The following BEGAIN variants were observed in gnomAD, a reference collection of about 807,000 sequenced individuals.
BEGAIN encodes the protein brain-enriched guanylate kinase-associated protein.
In BEGAIN, 19 loss-of-function variants were observed where a neutral mutation model predicts 35.8. That is an observed-to-expected ratio of 0.53 (90% CI 0.37 to 0.78). The LOEUF is 0.78. Ranked by LOEUF, BEGAIN falls within the 30% of genes least tolerant of loss-of-function variation. The pLI is 0.00. For missense variants in BEGAIN, 795 were observed against 853.6 expected, an observed-to-expected ratio of 0.93 and a Z score of 0.85; for synonymous variants, 462 against 388.6, an observed-to-expected ratio of 1.19 and a Z score of -2.22.
intron 2 of BEGAIN, among the ~76,000 whole-genome samples, chr14:100,564,191 A>G (rs1283752200): frequency 6.6e-6 from 1 of 151,748 alleles, no homozygotes; most frequent in African/African-American, 2.4e-5. Flanking sequence ...ACTCCTTGAC[A>G]CAGGTGGTGG....
At chr14:100,557,287 G>A (rs116060084) in intron 2 of BEGAIN, among the ~76,000 whole-genome samples, 2,719 of 152,328 alleles carry the variant, frequency 0.018, 77 homozygotes, top group African/African-American at 0.057. Flanking sequence ...GGAGGCATCG[G>A]GGCAGGGAAT....
At position 100,545,254 on chromosome 14, in the gene BEGAIN, T is replaced by C; in HGVS notation, c.234-188A>G. ...AGAACATCCCATTAAAGCAAACTTT[T>C]GTAGAAGCCTTTCCTAGGCCAGGGC... is the stretch of plus-strand genomic sequence containing the variant. On this transcript the variant is annotated intron_variant, in intron 3 of 6. Coordinates refer to ENST00000554140, the MANE Select transcript of BEGAIN (RefSeq NM_001385089.1). 4.2e-6 allele frequency: 6 copies of C among 1,425,174 alleles called. No individual in the cohort carries two copies. The South Asian group carries it at 7.4e-5, about 18-fold the overall frequency. The allele number at this position is 1,425,174 out of a possible 1,614,324, so 88.3% of individuals were successfully genotyped here.
chr14:100,568,992 C>T lies in BEGAIN; in HGVS notation c.43-1053G>A. 1.0e-6 allele frequency: 1 copy of T among 969,716 alleles called. No homozygotes were observed. The highest frequency in any genetic ancestry group is 4.8e-5 in the South Asian group (1 of 20,986). The allele number at this position is 969,716 out of a possible 1,614,324, so 60.1% of individuals were successfully genotyped here. A position where few individuals can be genotyped will look rare whatever the true frequency, so the allele number is the denominator to read the frequency against. Reference sequence around the variant, plus strand: ...GCGCTCCGCTCGGGTCCGGGCCCCACGCCGCCTCCCCCACCGCCCCGCCGG... The same window carrying T: ...GCGCTCCGCTCGGGTCCGGGCCCCATGCCGCCTCCCCCACCGCCCCGCCGG... On this transcript the variant is annotated intron_variant, in intron 1 of 6. Transcript: ENST00000554140. This position sits in a 1 kb window ranked among gnomAD's most constrained non-coding sequence, Gnocchi z 7.5.
chr14:100,577,790 G>A, intron 1 of BEGAIN: 3 of 399,228 alleles, frequency 7.5e-6, no homozygotes. Context: ...TTGCCCTTGG[G>A]GTTCCGACCT....
Position 100,538,189 on chromosome 14 carries a change from C to A in BEGAIN, c.1619G>T (p.Gly540Val). ...ACACAGCTGCACCCCGAGCCTGTCC[C>A]CGTCCCCCCCCTCGCTGGGTGCATA... The part of the protein sequence containing the change: ...PGYAPSEGGD[G>V]DRLGVQLCGT... The change falls in exon 7 of 7, where the codon GGG (glycine) becomes GTG (valine). Residue 540 changes from glycine (G) to valine (V), a missense_variant. Coordinates refer to ENST00000554140, the MANE Select transcript of BEGAIN (RefSeq NM_001385089.1). 1 of 1,546,034 alleles carries A rather than the reference C, an allele frequency of 6.5e-7. No individual in the cohort carries two copies. Among genetic ancestry groups the A allele is most frequent in the East Asian group, 2.4e-5 (1 of 42,362 alleles).
At position 100,568,583 on chromosome 14, in the gene BEGAIN, G is replaced by C; in HGVS notation, c.43-644C>G. 8.3e-7 allele frequency: 1 copy of C among 1,205,588 alleles called. No individual in the cohort carries two copies. 74.7% of individuals were successfully genotyped at this position (1,205,588 alleles called of 1,614,324 possible). ...CGTGAGCGCCCGGCTCGCCGGCGGG[G>C]CTCCCTGCCTTGCTTGCGCAGACCC... On this transcript the variant is annotated intron_variant, in intron 1 of 6. Coordinates refer to ENST00000554140, the MANE Select transcript of BEGAIN (RefSeq NM_001385089.1). The surrounding 1 kb of genome is among the most constrained non-coding windows in gnomAD (Gnocchi z 7.5).
intron 2 of BEGAIN, among the ~76,000 whole-genome samples, chr14:100,552,988 T>C (rs760279455): frequency 2.6e-5 from 4 of 152,126 alleles, no homozygotes; most frequent in Non-Finnish European, 5.9e-5. Context: ...CCTGTGTGTC[T>C]CAGGATGAGA....
intron 2 of BEGAIN, among the ~76,000 whole-genome samples, chr14:100,566,258 G>A (rs1341769971): frequency 7.9e-5 from 12 of 152,220 alleles, no homozygotes; most frequent in Non-Finnish European, 7.3e-5. Context: ...GGACAGCAAC[G>A]CTGACGCCAT....
intron 2 of BEGAIN, among the ~76,000 whole-genome samples, chr14:100,559,007 G>A (rs751975792): frequency 5.9e-5 from 9 of 152,182 alleles, no homozygotes; most frequent in Non-Finnish European, 8.8e-5. Context: ...GACAAGGGGT[G>A]GGCCTGGGGT....
rs994087538 is a variant in BEGAIN at position 100,537,339 on chromosome 14, T to C, written c.*630A>G. The stretch of plus-strand genomic sequence containing the variant: ...GAGCACCGGCCGCACTGGGGCATCA[T>C]CCCGGCCCACCCGGGACGATGGGCC... On this transcript the variant is annotated 3_prime_UTR_variant, in exon 7 of 7. Transcript: ENST00000554140. The C allele has an allele frequency of 2.6e-5, 4 of 152,666 alleles. No individual in the cohort carries two copies. The highest frequency in any genetic ancestry group is 9.6e-5 in the African/African-American group (4 of 41,562). 9.5% of individuals were successfully genotyped at this position (152,666 alleles called of 1,614,324 possible).
chr14:100,579,188 G>C (rs2035266644), intron 1 of BEGAIN, among the ~76,000 whole-genome samples: 1 of 152,164 alleles, frequency 6.6e-6, no homozygotes, highest in Non-Finnish European at 1.5e-5. Context: ...TAACTTGAAA[G>C]AAAAATAACC....
intron 1 of BEGAIN, among the ~76,000 whole-genome samples, chr14:100,572,188 T>A (rs1055521001): frequency 6.6e-6 from 1 of 152,170 alleles, no homozygotes; most frequent in African/African-American, 2.4e-5. Flanking sequence ...GGGCATCGTA[T>A]CTTCGCAGAG....
At chr14:100,574,944 C>T (rs755202487) in intron 1 of BEGAIN, among the ~76,000 whole-genome samples, 2 of 152,182 alleles carry the variant, frequency 1.3e-5, no homozygotes, top group Non-Finnish European at 2.9e-5. Context: ...AACATTGGAT[C>T]GAGTCATTCA....
chr14:100,544,908 C>T (rs959953524), intron 4 of BEGAIN, 92 bp downstream of exon 4: 17 of 1,287,348 alleles, frequency 1.3e-5, no homozygotes, highest in Non-Finnish European at 1.9e-5. Flanking sequence ...ACCTGTGTCC[C>T]AGCTCCTGAG....
intron 5 of BEGAIN, among the ~76,000 whole-genome samples, chr14:100,543,496 G>A (rs1022589115): frequency 5.9e-5 from 9 of 152,204 alleles, no homozygotes; most frequent in African/African-American, 2.2e-4. Context: ...ACTGGGACTG[G>A]CCAAGGGCAG....
rs575866220 is a variant in BEGAIN at position 100,538,431 on chromosome 14, T to A, written c.1377A>T (p.Ser459=). The A allele has an allele frequency of 5.0e-6, 8 of 1,585,722 alleles. 1 individual carries two copies. In the South Asian group the frequency reaches 9.1e-5, roughly 18 times the overall value. ...SYPVSAAGRA[S]PCSFSERYYG... is the part of the protein sequence containing the mutation. ...AGTAGCGTTCAGAGAAGCTGCAGGG[T>A]GAGGCGCGGCCGGCAGCGCTCACGG... The change falls in exon 7 of 7, where the codon TCA becomes TCT. Residue 459 remains serine (S), a synonymous_variant. Transcript: ENST00000554140.
At chr14:100,550,617 C>T (rs970542925) in intron 2 of BEGAIN, 19 of 397,740 alleles carry the variant, frequency 4.8e-5, no homozygotes, top group Non-Finnish European at 7.5e-5. Flanking sequence ...TGGCTGAGAC[C>T]GAGAGAGATG....
At chr14:100,572,781 G>A (rs1267938524) in intron 1 of BEGAIN, among the ~76,000 whole-genome samples, 1 of 152,140 alleles carries the variant, frequency 6.6e-6, no homozygotes, top group Non-Finnish European at 1.5e-5. Flanking sequence ...CTGGGGACGG[G>A]GTGTGGCTGT....
rs1307686969 is a variant in BEGAIN at position 100,567,641 on chromosome 14, C to T, written c.71+270G>A. 6.6e-6 allele frequency among the ~76,000 whole-genome samples: 1 copy of T among 151,664 alleles called. No homozygotes were observed. Among genetic ancestry groups the T allele is most frequent in the East Asian group, 2.0e-4 (1 of 5,114 alleles). Reference sequence around the variant, plus strand: ...AGGACCGCACAGGACCAGGCGGCCCCGGGTAGGGGGCAGCCCGGCCCTCAG... The same window carrying T: ...AGGACCGCACAGGACCAGGCGGCCCTGGGTAGGGGGCAGCCCGGCCCTCAG... On this transcript the variant is annotated intron_variant, in intron 2 of 6. Coordinates refer to ENST00000554140, the MANE Select transcript of BEGAIN (RefSeq NM_001385089.1). This position sits in a 1 kb window ranked among gnomAD's most constrained non-coding sequence, Gnocchi z 5.1.
Sources: allele counts gnomAD v4.1 joint callset (sites outside exome capture counted in the v4.1 genomes callset), GRCh38; gene constraint gnomAD v4.1.1; non-coding constraint Gnocchi (gnomAD v3.1); transcripts MANE v1.5; gene names NCBI Gene and HGNC (gene_info 2026-07-23, HGNC 2026-07-21).